The following FSD1L variants were observed in gnomAD, a reference collection of about 807,000 sequenced individuals.
FSD1L encodes the protein fibronectin type III and SPRY domain containing 1 like, also known as FSD1-like protein.
In FSD1L, 45 loss-of-function variants were observed where a neutral mutation model predicts 71.6. The ratio of observed to expected loss-of-function variants is 0.63; its 90% CI spans 0.49 to 0.81. The LOEUF (loss-of-function observed/expected upper bound fraction) is 0.81. FSD1L is among the 30% of genes least tolerant of loss of function. The pLI is 0.00. For synonymous variants in FSD1L, 197 were observed against 207.2 expected, an observed-to-expected ratio of 0.95 and a Z score of 0.42; for missense variants, 561 against 618.1, an observed-to-expected ratio of 0.91 and a Z score of 0.98.
intron 3 of FSD1L, among the ~76,000 whole-genome samples, chr9:105,464,808 CA>C (rs920899931): frequency 1.7e-3 from 230 of 138,740 alleles, no homozygotes; most frequent in Non-Finnish European, 1.7e-3. Flanking sequence ...CCGTCTCTAC[CA>C]AAAAAAAAAA....
chr9:105,484,863 T>TA (rs1832433374), intron 7 of FSD1L, among the ~76,000 whole-genome samples: 1 of 152,092 alleles, frequency 6.6e-6, no homozygotes, highest in African/African-American at 2.4e-5. Flanking sequence ...TTAACATCTT[T>TA]AAAATGCGAT....
intron 10 of FSD1L, among the ~76,000 whole-genome samples, chr9:105,526,891 T>C (rs1315626790): frequency 6.6e-6 from 1 of 151,892 alleles, no homozygotes; most frequent in African/African-American, 2.4e-5. Flanking sequence ...TTGTGCTCCA[T>C]TGCAACTTTA....
In FSD1L at chr9:105,506,405, A is replaced by G. The variant is rs1272605278; in HGVS notation, c.593A>G (p.Lys198Arg). Residue 198 changes from lysine (K) to arginine (R), a missense_variant, in exon 8 of 14, where the codon AAA becomes AGA. Around this residue, in one of 3 missense-constraint regions of FSD1L, gnomAD observed 410 missense variants for 413.5 expected, o/e 0.99. Coordinates refer to ENST00000481272, the MANE Select transcript of FSD1L (RefSeq NM_001145313.3). ...TTTTTTTTCTTCTTTGCAGTCCCCA[A>G]AGCTCCAGAGATAGATCCAGTAGAG... ...LQTLKFLPVP[K>R]APEIDPVECL... is the part of the protein sequence containing the mutation. 19 of 1,550,856 alleles carry G rather than the reference A, an allele frequency of 1.2e-5. No individual in the cohort carries two copies. The highest frequency in any genetic ancestry group is 4.8e-5 in the South Asian group (4 of 83,980).
rs118056077 is a variant in FSD1L at position 105,551,485 on chromosome 9, T to G, written c.*5002T>G. On this transcript the variant is annotated 3_prime_UTR_variant, in exon 14 of 14. Coordinates refer to ENST00000481272, the MANE Select transcript of FSD1L (RefSeq NM_001145313.3). ...TAAAATGAAATGGAGTATGTGAAAT[T>G]GCTTCAGCAACAGCAAAGTGCTACG... 1.1e-4 allele frequency: 17 copies of G among 152,250 alleles called. No homozygotes were observed. The East Asian group carries it at 3.3e-3, about 29-fold the overall frequency. 9.4% of individuals were successfully genotyped at this position (152,250 alleles called of 1,614,324 possible).
At chr9:105,543,301 G>A (rs570982386) in intron 13 of FSD1L, among the ~76,000 whole-genome samples, 5 of 152,074 alleles carry the variant, frequency 3.3e-5, no homozygotes, top group South Asian at 2.1e-4. Flanking sequence ...TAATATATAC[G>A]GTAGTTGATG....
intron 7 of FSD1L, among the ~76,000 whole-genome samples, chr9:105,503,294 AT>A (rs1447220651): frequency 2.0e-5 from 3 of 152,190 alleles, no homozygotes; most frequent in African/African-American, 7.2e-5. Context: ...AAATTAACTT[AT>A]AAAATGAAGA....
At chr9:105,522,772 A>G (rs1395984736) in intron 10 of FSD1L, 1 of 1,610,086 alleles carries the variant, frequency 6.2e-7, no homozygotes. Flanking sequence ...GATCTGATGG[A>G]TGAGTTTATA....
At chr9:105,489,208 C>G (rs1012276021) in intron 7 of FSD1L, among the ~76,000 whole-genome samples, 3 of 152,042 alleles carry the variant, frequency 2.0e-5, no homozygotes, top group African/African-American at 4.8e-5. Context: ...AATCCTCCCA[C>G]CTATTAGGTA....
intron 10 of FSD1L, among the ~76,000 whole-genome samples, chr9:105,514,529 G>A (rs1307103733): frequency 6.6e-6 from 1 of 152,186 alleles, no homozygotes; most frequent in Non-Finnish European, 1.5e-5. Flanking sequence ...TGTACAAGTA[G>A]CAATAATGCA....
intron 7 of FSD1L, among the ~76,000 whole-genome samples, chr9:105,493,818 G>C (rs1395019232): frequency 2.6e-5 from 4 of 152,144 alleles, no homozygotes; most frequent in Non-Finnish European, 5.9e-5. Flanking sequence ...TAAGAATGTT[G>C]AATATTGGCC....
intron 10 of FSD1L, 81 bp from the exon 11 acceptor site, chr9:105,534,412 C>T (rs1254394113): frequency 1.1e-5 from 8 of 706,342 alleles, no homozygotes; most frequent in East Asian, 1.1e-4. Context: ...TCAGAGGTTC[C>T]TTCCATGATT....
chr9:105,508,821 A>G, intron 9 of FSD1L, 106 bp downstream of exon 9: 1 of 630,898 alleles, frequency 1.6e-6, no homozygotes, highest in East Asian at 3.2e-5. Context: ...TTACTTCTCT[A>G]CTTCTCCTAG....
intron 7 of FSD1L, among the ~76,000 whole-genome samples, chr9:105,495,089 C>T (rs1169813717): frequency 6.6e-6 from 1 of 152,188 alleles, no homozygotes; most frequent in Non-Finnish European, 1.5e-5. Context: ...TTCGTCTGTG[C>T]CCTGCCCCCA....
At chr9:105,529,729 T>G (rs548685168) in intron 10 of FSD1L, among the ~76,000 whole-genome samples, 1 of 151,368 alleles carries the variant, frequency 6.6e-6, no homozygotes, top group South Asian at 2.1e-4. Context: ...GTAACAAAAC[T>G]GCACATTCTG....
At position 105,464,308 on chromosome 9, in the gene FSD1L, C is replaced by T. The variant is rs1275340163; in HGVS notation, c.184C>T (p.His62Tyr). Residue 62 changes from histidine to tyrosine, a missense_variant, in exon 3 of 14, where the codon CAT (histidine) becomes TAT (tyrosine). His to Tyr is a moderately conservative substitution (Grantham distance 83, BLOSUM62 2). Around this residue, in one of 3 missense-constraint regions of FSD1L, gnomAD observed 410 missense variants for 413.5 expected, o/e 0.99. Transcript: ENST00000481272. ...AATTCAGAACTTTATTGATACACTACATCATACACTAAAAGGAGTTCAGGT... is the reference window on the plus strand; with the variant it reads ...AATTCAGAACTTTATTGATACACTATATCATACACTAAAAGGAGTTCAGGT... ...DEIQNFIDTL[H>Y]HTLKGVQENS... 1 of 1,503,696 alleles carries T rather than the reference C, an allele frequency of 6.7e-7. No homozygotes were observed. Among genetic ancestry groups the T allele is most frequent in the Non-Finnish European group, 9.0e-7 (1 of 1,113,728 alleles). 93.1% of individuals were successfully genotyped at this position (1,503,696 alleles called of 1,614,324 possible).
rs564521311 is a variant in FSD1L, at chr9:105,494,419, T to C, written c.586+9917T>C. 6.6e-5 allele frequency among the ~76,000 whole-genome samples: 10 copies of C among 152,278 alleles called. No homozygotes were observed. In the East Asian group the frequency reaches 1.9e-3, roughly 29 times the overall value. On this transcript the variant is annotated intron_variant, in intron 7 of 13. Coordinates refer to ENST00000481272, the MANE Select transcript of FSD1L (RefSeq NM_001145313.3). ...ACATTCGTCTAAATTTTTTTCAAAG[T>C]TTTCAACTTCTTTGCCTTTGGTTTG...
intron 10 of FSD1L, chr9:105,520,817 A>G: frequency 6.2e-7 from 1 of 1,612,342 alleles, no homozygotes; most frequent in Non-Finnish European, 8.5e-7. Context: ...TCACTATAGA[A>G]GAAATCACTC....
chr9:105,522,168 C>G lies in FSD1L; in HGVS notation c.1025+9232C>G, dbSNP rs527867064. 2.5e-6 allele frequency: 4 copies of G among 1,613,844 alleles called. No individual in the cohort carries two copies. The South Asian group carries it at 4.4e-5, about 18-fold the overall frequency. On this transcript the variant is annotated intron_variant, in intron 10 of 13. Coordinates refer to ENST00000481272, the MANE Select transcript of FSD1L (RefSeq NM_001145313.3). ...AGCAAACCTAAATGTGTACATCTCCCGAGAACTTTGGGATGACTTACTGTC... is the reference window on the plus strand; with the variant it reads ...AGCAAACCTAAATGTGTACATCTCCGGAGAACTTTGGGATGACTTACTGTC...
intron 6 of FSD1L, among the ~76,000 whole-genome samples, chr9:105,480,281 C>A (rs1321999532): frequency 2.0e-5 from 3 of 150,026 alleles, no homozygotes; most frequent in Admixed American, 6.6e-5. Flanking sequence ...GACAGTTTTA[C>A]TTCTGGGTTT....
Sources: allele counts gnomAD v4.1 joint callset (sites outside exome capture counted in the v4.1 genomes callset), GRCh38; gene constraint gnomAD v4.1.1; regional missense constraint gnomAD v4.1.1; transcripts MANE v1.5; gene names NCBI Gene and HGNC (gene_info 2026-07-23, HGNC 2026-07-21).